The following PHACTR4 variants were observed in gnomAD, a reference collection of about 807,000 sequenced individuals.
PHACTR4 encodes the protein phosphatase and actin regulator 4, also known as protein phosphatase 1, regulatory subunit 124.
Under a neutral mutation model 72.7 loss-of-function variants are expected in PHACTR4, and 51 were observed. The observed-to-expected ratio is 0.70, with a 90% confidence interval of 0.56 to 0.89. PHACTR4 has a LOEUF of 0.89. Ranked by LOEUF, PHACTR4 falls within the 40% of genes least tolerant of loss-of-function variation. PHACTR4 has a pLI of 0.00. For missense variants in PHACTR4, 731 were observed against 861.8 expected (o/e 0.85, Z 1.90); for synonymous variants, 255 against 302.5 (o/e 0.84, Z 1.63).
chr1:28,399,299 A>T (rs924204957), intron 1 of PHACTR4, among the ~76,000 whole-genome samples: 1 of 152,156 alleles, frequency 6.6e-6, no homozygotes, highest in Non-Finnish European at 1.5e-5. Context: ...GCGACAGAGC[A>T]AGACTCTGTC....
chr1:28,474,350 C>G (rs1258799459), intron 7 of PHACTR4, among the ~76,000 whole-genome samples, 199 bp downstream of exon 7: 2 of 151,788 alleles, frequency 1.3e-5, no homozygotes, highest in Non-Finnish European at 2.9e-5. Context: ...ACAGTAAAAC[C>G]CTGTCTCGAT....
intron 2 of PHACTR4, among the ~76,000 whole-genome samples, chr1:28,428,814 T>C (rs1656036035): frequency 6.6e-6 from 1 of 152,218 alleles, no homozygotes; most frequent in Non-Finnish European, 1.5e-5. Flanking sequence ...CATTAGGTAG[T>C]CTTTGGAAAT....
At chr1:28,427,190 G>A (rs188373420) in intron 2 of PHACTR4, among the ~76,000 whole-genome samples, 3 of 152,246 alleles carry the variant, frequency 2.0e-5, no homozygotes, top group Admixed American at 6.5e-5. Flanking sequence ...TAGTATGCTT[G>A]GAAATGTTGC....
At chr1:28,438,048 T>G in intron 2 of PHACTR4, 1 of 764,920 alleles carries the variant, frequency 1.3e-6, no homozygotes, top group Non-Finnish European at 1.6e-6. Context: ...AACGGGGGTG[T>G]GGACTTTTGG....
chr1:28,453,210 G>A (rs1184766421), intron 2 of PHACTR4, among the ~76,000 whole-genome samples: 1 of 152,112 alleles, frequency 6.6e-6, no homozygotes, highest in Non-Finnish European at 1.5e-5. Flanking sequence ...TATTACTATT[G>A]AAGTGAGCTC....
chr1:28,380,857 A>G (rs1260651879), intron 1 of PHACTR4, among the ~76,000 whole-genome samples: 1 of 151,970 alleles, frequency 6.6e-6, no homozygotes, highest in Non-Finnish European at 1.5e-5. Context: ...TGGGTATATA[A>G]CCAGTAATGG....
intron 1 of PHACTR4, among the ~76,000 whole-genome samples, chr1:28,382,016 C>A (rs928764425): frequency 6.6e-6 from 1 of 152,186 alleles, no homozygotes; most frequent in Non-Finnish European, 1.5e-5. Context: ...GATCCACCTG[C>A]CTTGGCCTCC....
At chr1:28,370,300 G>A (rs994620290) in intron 1 of PHACTR4, among the ~76,000 whole-genome samples, 1 of 152,208 alleles carries the variant, frequency 6.6e-6, no homozygotes, top group Admixed American at 6.5e-5. Flanking sequence ...TCGGAGCCAG[G>A]CGGAGTTTCT....
chr1:28,402,098 G>A (rs1357693529), intron 1 of PHACTR4, among the ~76,000 whole-genome samples: 1 of 152,322 alleles, frequency 6.6e-6, no homozygotes, highest in Admixed American at 6.5e-5. Context: ...TGATTTAATT[G>A]TAGCTGTGAG....
intron 1 of PHACTR4, among the ~76,000 whole-genome samples, chr1:28,377,113 A>G (rs947179840): frequency 2.0e-5 from 3 of 151,648 alleles, no homozygotes; most frequent in Non-Finnish European, 2.9e-5. Flanking sequence ...TATTTTTAGT[A>G]GAGACAGGGT....
At chr1:28,384,391 G>A (rs548319632) in intron 1 of PHACTR4, among the ~76,000 whole-genome samples, 3 of 152,098 alleles carry the variant, frequency 2.0e-5, no homozygotes, top group Non-Finnish European at 2.9e-5. Context: ...TCAGTCTTGG[G>A]AGGGTGTATG....
intron 2 of PHACTR4, among the ~76,000 whole-genome samples, chr1:28,410,954 G>A (rs868798291): frequency 4.6e-5 from 7 of 151,948 alleles, no homozygotes; most frequent in African/African-American, 7.3e-5. Context: ...TGATCCACCC[G>A]CCGTGGCCTC....
chr1:28,395,398 A>G (rs1240452927), intron 1 of PHACTR4, among the ~76,000 whole-genome samples: 1 of 152,006 alleles, frequency 6.6e-6, no homozygotes, highest in Non-Finnish European at 1.5e-5. Flanking sequence ...ATAACTCACT[A>G]GTGTTATTTT....
intron 7 of PHACTR4, among the ~76,000 whole-genome samples, chr1:28,475,729 C>CTTTTTTTTTTTTTTT (rs71672836): frequency 1.0e-4 from 14 of 135,302 alleles, no homozygotes; most frequent in African/African-American, 3.2e-4. Context: ...AGTCCTTTGT[C>CTTTTTTTTTTTTTTT]TTTTTTTTTT....
intron 7 of PHACTR4, 72 bp from the exon 8 acceptor site, chr1:28,476,035 C>T: frequency 7.0e-7 from 1 of 1,429,994 alleles, no homozygotes; most frequent in South Asian, 1.4e-5. Flanking sequence ...GTCTTTATTT[C>T]AGTCCTTTGT....
In PHACTR4 at chr1:28,466,664, G is replaced by T; in HGVS notation, c.719G>T (p.Ser240Ile). The T allele has an allele frequency of 6.2e-7, 1 of 1,613,944 alleles. No homozygotes were observed. The highest frequency in any genetic ancestry group is 8.5e-7 in the Non-Finnish European group (1 of 1,179,994). ...APRTLPAAPA[S>I]TNTTATPSLT... is the part of the protein sequence containing the mutation. ...AGGACTCTGCCTGCTGCTCCTGCCA[G>T]CACTAACACTACTGCTACCCCAAGC... is the stretch of plus-strand genomic sequence containing the variant. The change falls in exon 6 of 14, where the codon AGC becomes ATC. Residue 240 changes from serine (S) to isoleucine (I), a missense_variant. Ser to Ile is a moderately radical substitution (Grantham distance 142). Coordinates refer to ENST00000373839, the MANE Select transcript of PHACTR4 (RefSeq NM_001048183.3).
At chr1:28,481,816 A>G (rs1660304721) in intron 9 of PHACTR4, among the ~76,000 whole-genome samples, 1 of 151,910 alleles carries the variant, frequency 6.6e-6, no homozygotes, top group Non-Finnish European at 1.5e-5. Context: ...AAGAAAAGAA[A>G]CAAAAAAATA....
In PHACTR4 at chr1:28,473,852, T is replaced by G. The variant is rs1659741496; in HGVS notation, c.1122T>G (p.Phe374Leu). 1.9e-6 allele frequency: 3 copies of G among 1,581,794 alleles called. No individual in the cohort carries two copies. Among genetic ancestry groups the G allele is most frequent in the Non-Finnish European group, 2.6e-6 (3 of 1,166,172 alleles). The change falls in exon 7 of 14, where the codon TTT (phenylalanine) becomes TTG (leucine). Residue 374 changes from phenylalanine (F) to leucine (L), a missense_variant. Coordinates refer to ENST00000373839, the MANE Select transcript of PHACTR4 (RefSeq NM_001048183.3). ...KTFQVVPEIE[F>L]PPSLDLHQEI... The stretch of plus-strand genomic sequence containing the variant: ...TTCAAGTTGTGCCAGAAATTGAGTT[T>G]CCACCATCCTTAGATCTACACCAGG...
chr1:28,448,063 G>A (rs150397796), intron 2 of PHACTR4, among the ~76,000 whole-genome samples: 11 of 152,276 alleles, frequency 7.2e-5, no homozygotes, highest in African/African-American at 2.4e-4. Context: ...AATGTTCTAC[G>A]TTTACAATGT....
Sources: allele counts gnomAD v4.1 joint callset (sites outside exome capture counted in the v4.1 genomes callset), GRCh38; gene constraint gnomAD v4.1.1; transcripts MANE v1.5; gene names NCBI Gene and HGNC (gene_info 2026-07-23, HGNC 2026-07-21).